Variants in NCR1 observed in about 807,000 individuals in gnomAD.
NCR1 encodes the protein natural cytotoxicity triggering receptor 1.
In NCR1, 30 loss-of-function variants were observed where a neutral mutation model predicts 32.5. The observed-to-expected ratio is 0.92, with a 90% CI of 0.69 to 1.25. The LOEUF (loss-of-function observed/expected upper bound fraction) is 1.25. NCR1 is among the 50% of genes most tolerant of loss of function. The pLI is 0.00. For missense variants in NCR1, 369 were observed against 380.7 expected (o/e 0.97, Z 0.26); for synonymous variants, 169 against 143.4 (o/e 1.18, Z -1.28).
At chr19:54,899,936 A>G in the NCR1 span, among the ~76,000 whole-genome samples, 1 of 152,182 alleles carries the variant, frequency 6.6e-6, no homozygotes, top group African/African-American at 2.4e-5. Context: ...AAAGGAAAGG[A>G]ACTGAAATTA....
At chr19:54,922,844 G>A in the NCR1 span, among the ~76,000 whole-genome samples, 4 of 144,286 alleles carry the variant, frequency 2.8e-5, no homozygotes, top group East Asian at 4.0e-4. Flanking sequence ...AGATAGAAAC[G>A]CCCAGCGACA....
chr19:54,936,152 T>C, the NCR1 span: 1 of 945,152 alleles, frequency 1.1e-6, no homozygotes, highest in Non-Finnish European at 1.7e-6. Flanking sequence ...GAGGAATACA[T>C]TCCCTGTCTG....
the NCR1 span, among the ~76,000 whole-genome samples, chr19:54,937,149 C>T: frequency 0.032 from 4,827 of 149,862 alleles, 248 homozygotes; most frequent in African/African-American, 0.11. Flanking sequence ...ACCCGGGAGG[C>T]AGGGCTTGCA....
chr19:54,919,714 A>ACCGCC, downstream of NCR1, among the ~76,000 whole-genome samples: 1 of 100,068 alleles, frequency 1.0e-5, no homozygotes, highest in East Asian at 4.1e-4. Context: ...GGAAAGGGAG[A>ACCGCC]CCCCCCCCCC....
chr19:54,916,338 T>TTTTG (rs1556721210), downstream of NCR1, among the ~76,000 whole-genome samples: 118 of 132,030 alleles, frequency 8.9e-4, 2 homozygotes, highest in East Asian at 0.026. Context: ...TTTTTTTTTT[T>TTTTG]GAGACGAAGT....
At chr19:54,927,762 A>G in the NCR1 span, 1 of 1,613,986 alleles carries the variant, frequency 6.2e-7, no homozygotes, top group Non-Finnish European at 8.5e-7. Context: ...GGCATGAGGG[A>G]GCAGCTCCAG....
chr19:54,921,025 A>C (rs997495510), downstream of NCR1, among the ~76,000 whole-genome samples: 1 of 152,160 alleles, frequency 6.6e-6, no homozygotes, highest in African/African-American at 2.4e-5. Flanking sequence ...ACAAAATCAA[A>C]ATTTTTAAGT....
chr19:54,906,815 T>A lies in NCR1; in HGVS notation c.355+8T>A, dbSNP rs886348557. 2 of 1,613,136 alleles carry A rather than the reference T, an allele frequency of 1.2e-6. No homozygotes were observed. Among genetic ancestry groups the A allele is most frequent in the Non-Finnish European group, 1.7e-6 (2 of 1,179,492 alleles). On this transcript the variant is annotated splice_region_variant and intron_variant, in intron 3 of 6. Coordinates refer to ENST00000291890, the MANE Select transcript of NCR1 (RefSeq NM_004829.7). Reference sequence around the variant, plus strand: ...TGGATCTGGTGGTAACAGGTAACTGTCCGGTTCTCTAACTGGAGAGTGATC... The same window carrying A: ...TGGATCTGGTGGTAACAGGTAACTGACCGGTTCTCTAACTGGAGAGTGATC...
At chr19:54,907,449 C>T (rs2067692205) in intron 3 of NCR1, among the ~76,000 whole-genome samples, 1 of 143,938 alleles carries the variant, frequency 6.9e-6, no homozygotes, top group Non-Finnish European at 1.5e-5. Context: ...TCACACCCAG[C>T]CAGGTGGTGG....
the NCR1 span, chr19:54,936,179 G>T: frequency 8.0e-7 from 1 of 1,252,362 alleles, no homozygotes; most frequent in Non-Finnish European, 1.2e-6. Context: ...CATCTGGAGT[G>T]GTTACCCTTT....
At chr19:54,913,320 C>T (rs1413881947), downstream of NCR1, among the ~76,000 whole-genome samples, 1 of 152,128 alleles carries the variant, frequency 6.6e-6, no homozygotes, top group Non-Finnish European at 1.5e-5. Flanking sequence ...TCCCAAAGGG[C>T]TGGGATTACA....
downstream of NCR1, among the ~76,000 whole-genome samples, chr19:54,913,314 A>C (rs1485284122): frequency 6.6e-6 from 1 of 152,100 alleles, no homozygotes; most frequent in African/African-American, 2.4e-5. Context: ...TTGGCCTCCC[A>C]AAGGGCTGGG....
the NCR1 span, chr19:54,937,965 T>C: frequency 9.3e-7 from 1 of 1,074,324 alleles, no homozygotes; most frequent in South Asian, 1.2e-5. Flanking sequence ...AAACAGCACA[T>C]TTCCAAATTT....
the NCR1 span, among the ~76,000 whole-genome samples, chr19:54,931,999 A>G: frequency 2.6e-5 from 4 of 152,092 alleles, no homozygotes; most frequent in African/African-American, 9.7e-5. Flanking sequence ...TGGAAATTTC[A>G]CTTTCCCTGT....
At chr19:54,933,683 A>G in the NCR1 span, 1 of 1,614,052 alleles carries the variant, frequency 6.2e-7, no homozygotes, top group Non-Finnish European at 8.5e-7. Flanking sequence ...CTTGCTGACA[A>G]CCAAGACAGC....
the NCR1 span, chr19:54,936,440 AAGCAGAAGAG>A: frequency 6.2e-7 from 1 of 1,612,254 alleles, no homozygotes; most frequent in Admixed American, 1.7e-5. Flanking sequence ...TCCTAGGGAA[AAGCAGAAGAG>A]ATTCCACTTG....
chr19:54,922,768 A>C, the NCR1 span, among the ~76,000 whole-genome samples: 1 of 130,522 alleles, frequency 7.7e-6, no homozygotes, highest in Non-Finnish European at 1.6e-5. Context: ...ACAAGAGTGA[A>C]ACTCCGTCTC....
chr19:54,934,816 TCTC>T, the NCR1 span, among the ~76,000 whole-genome samples: 1 of 152,014 alleles, frequency 6.6e-6, no homozygotes, highest in East Asian at 1.9e-4. The surrounding 1 kb of genome is among the most constrained non-coding windows in gnomAD (Gnocchi z 6.7). Flanking sequence ...TTCAAGCTAT[TCTC>T]CTGCCTCAGC....
chr19:54,905,537 T>G, upstream of NCR1, among the ~76,000 whole-genome samples: 1 of 152,142 alleles, frequency 6.6e-6, no homozygotes, highest in African/African-American at 2.4e-5. Flanking sequence ...ATGCATCACA[T>G]TATTCCTTAC....
Sources: allele counts gnomAD v4.1 joint callset (sites outside exome capture counted in the v4.1 genomes callset), GRCh38; gene constraint gnomAD v4.1.1; non-coding constraint Gnocchi (gnomAD v3.1); transcripts MANE v1.5; gene names NCBI Gene and HGNC (gene_info 2026-07-23, HGNC 2026-07-21).